TTC17: variants seen among roughly 807,000 people sequenced by gnomAD.
TTC17 encodes the protein tetratricopeptide repeat protein 17.
Under a neutral mutation model 143.8 loss-of-function variants are expected in TTC17, and 58 were observed. That is an observed-to-expected ratio of 0.40 (90% CI 0.33 to 0.50). The LOEUF (loss-of-function observed/expected upper bound fraction) is 0.50, where lower values mean the gene tolerates loss of function less well. TTC17 is among the 20% of genes least tolerant of loss of function. The pLI, the probability that TTC17 is intolerant of heterozygous loss-of-function variation, is 0.49. For synonymous variants in TTC17, 501 were observed against 497.8 expected, an observed-to-expected ratio of 1.01 and a Z score of -0.09; for missense variants, 1,273 against 1,392.5, an observed-to-expected ratio of 0.91 and a Z score of 1.37.
intron 1 of TTC17, among the ~76,000 whole-genome samples, chr11:43,363,249 G>T (rs977669435): frequency 6.6e-6 from 1 of 152,098 alleles, no homozygotes; most frequent in African/African-American, 2.4e-5. Context: ...CCCTAGTTTG[G>T]CAATATCTAC....
intron 18 of TTC17, chr11:43,446,471 T>G (rs533220242): frequency 6.7e-4 from 220 of 328,420 alleles, no homozygotes; most frequent in Admixed American, 1.7e-3. Flanking sequence ...TCTTTTATGG[T>G]TCTCAGCCCC....
At chr11:43,360,371 A>ATG (rs1185399991) in intron 1 of TTC17, among the ~76,000 whole-genome samples, 1 of 152,192 alleles carries the variant, frequency 6.6e-6, no homozygotes, top group Non-Finnish European at 1.5e-5. Context: ...CTTTAAATAT[A>ATG]TGTGTATGTG....
chr11:43,406,073 A>G, intron 13 of TTC17, 122 bp downstream of exon 13: 3 of 1,201,906 alleles, frequency 2.5e-6, no homozygotes, highest in Non-Finnish European at 3.4e-6. Flanking sequence ...AAATGGAAGG[A>G]TAGAGTTAAA....
intron 21 of TTC17, chr11:43,468,173 G>A (rs1313495034): frequency 2.6e-5 from 4 of 152,216 alleles, no homozygotes; most frequent in Non-Finnish European, 2.9e-5. Context: ...AATGGAACCA[G>A]AAGACAACAA....
At chr11:43,409,023 A>G (rs1480623759) in intron 15 of TTC17, among the ~76,000 whole-genome samples, 1 of 152,116 alleles carries the variant, frequency 6.6e-6, no homozygotes, top group African/African-American at 2.4e-5. Flanking sequence ...GATTACAGGC[A>G]TGCACCACCA....
intron 21 of TTC17, chr11:43,468,363 A>G (rs1948021816): frequency 6.6e-6 from 1 of 152,260 alleles, no homozygotes; most frequent in African/African-American, 2.4e-5. Flanking sequence ...TAGATGGTCA[A>G]ATGATTTTCT....
intron 13 of TTC17, among the ~76,000 whole-genome samples, chr11:43,406,172 A>G (rs1423840245): frequency 1.3e-5 from 2 of 152,150 alleles, no homozygotes; most frequent in East Asian, 1.9e-4. Flanking sequence ...TCACCTAAAC[A>G]CTATTCCTCT....
Position 43,493,930 on chromosome 11 carries a change from T to C in TTC17, c.*26T>C. 1 of 1,547,608 alleles carries C rather than the reference T, an allele frequency of 6.5e-7. No individual in the cohort carries two copies. On this transcript the variant is annotated 3_prime_UTR_variant, in exon 24 of 24. Transcript: ENST00000039989. ...TGCACTTCTTCCTTCTCTCTTTCTCTTTACTCATGCTCTAAAAAAAAAGAA... is the reference window on the plus strand; with the variant it reads ...TGCACTTCTTCCTTCTCTCTTTCTCCTTACTCATGCTCTAAAAAAAAAGAA...
At chr11:43,365,443 A>G (rs1856296135) in intron 1 of TTC17, among the ~76,000 whole-genome samples, 1 of 151,474 alleles carries the variant, frequency 6.6e-6, no homozygotes, top group African/African-American at 2.4e-5. Flanking sequence ...TAATTTTTGT[A>G]TTTTTTGTAG....
Position 43,403,862 on chromosome 11 carries a change from A to G in TTC17, c.1333-136A>G, listed in dbSNP as rs16937487. 1,714 of 671,670 alleles carry G rather than the reference A, an allele frequency of 2.6e-3. 60 individuals carry two copies. The East Asian group carries it at 0.045, about 18-fold the overall frequency. The allele number at this position is 671,670 out of a possible 1,614,324, so 41.6% of individuals were successfully genotyped here. A position where few individuals can be genotyped will look rare whatever the true frequency, so the allele number is the denominator to read the frequency against. On this transcript the variant is annotated intron_variant, in intron 10 of 23. Transcript: ENST00000039989. ...TGGGGCATAGTTCTTAAAAGATCCA[A>G]TTGCTTTATTACTGAGCTACTTTCT...
chr11:43,427,434 G>A (rs942666541), intron 16 of TTC17, among the ~76,000 whole-genome samples: 10 of 152,158 alleles, frequency 6.6e-5, no homozygotes, highest in Non-Finnish European at 1.0e-4. Context: ...TGCAGAATCC[G>A]TGGAAATTGT....
intron 18 of TTC17, among the ~76,000 whole-genome samples, chr11:43,447,165 A>G (rs1170585395): frequency 1.3e-5 from 2 of 152,236 alleles, no homozygotes; most frequent in Non-Finnish European, 2.9e-5. Context: ...AGCCTGGGCA[A>G]GAAAGCAAGG....
intron 5 of TTC17, among the ~76,000 whole-genome samples, chr11:43,394,437 G>C (rs911954731): frequency 6.6e-6 from 1 of 152,244 alleles, no homozygotes. Flanking sequence ...TGTTGCAGTA[G>C]TTCAAGAGAG....
rs1193195543 is a variant in TTC17, at chr11:43,490,298, A to G, written c.3090A>G (p.Gln1030=). ...MAALYWRVKG[Q]GKKAIDCLRQ... ...CCCTCTACTGGAGGGTGAAAGGCCAAGGAAAGAAGGCAATCGACTGCCTCC... is the reference window on the plus strand; with the variant it reads ...CCCTCTACTGGAGGGTGAAAGGCCAGGGAAAGAAGGCAATCGACTGCCTCC... The change falls in exon 22 of 24, where the codon CAA becomes CAG. Residue 1030 remains glutamine, a synonymous_variant. Transcript: ENST00000039989. The G allele has an allele frequency of 6.2e-7, 1 of 1,612,832 alleles. No homozygotes were observed. The highest frequency in any genetic ancestry group is 8.5e-7 in the Non-Finnish European group (1 of 1,179,334).
chr11:43,478,585 G>T (rs558720652), intron 21 of TTC17, among the ~76,000 whole-genome samples: 2 of 152,116 alleles, frequency 1.3e-5, no homozygotes, highest in South Asian at 4.2e-4. Context: ...GCACATGAGG[G>T]TTCATTATAT....
intron 23 of TTC17, among the ~76,000 whole-genome samples, chr11:43,493,302 C>G (rs1345850966): frequency 6.6e-6 from 1 of 152,142 alleles, no homozygotes; most frequent in Admixed American, 6.5e-5. Flanking sequence ...AGTTGAGATA[C>G]CGGACTTAGT....
At chr11:43,393,966 C>T (rs1479214823) in intron 5 of TTC17, among the ~76,000 whole-genome samples, 1 of 152,304 alleles carries the variant, frequency 6.6e-6, no homozygotes, top group Admixed American at 6.5e-5. Flanking sequence ...CCTCACATGG[C>T]CTCATCTGTG....
intron 21 of TTC17, among the ~76,000 whole-genome samples, chr11:43,459,546 CA>C (rs1947825699): frequency 3.3e-5 from 5 of 152,210 alleles, no homozygotes; most frequent in Admixed American, 3.3e-4. Context: ...GCCACACCCA[CA>C]AATTTCTTCA....
chr11:43,428,303 AT>A (rs1359024390), intron 16 of TTC17, among the ~76,000 whole-genome samples: 2 of 146,524 alleles, frequency 1.4e-5, no homozygotes, highest in African/African-American at 5.6e-5. Flanking sequence ...AGAGATTTAA[AT>A]TAAAAAAAAA....
Sources: gnomAD v4.1 joint callset for allele counts (sites outside exome capture counted in the v4.1 genomes callset) on GRCh38, gnomAD v4.1.1 for gene constraint, MANE v1.5 for transcripts, NCBI Gene and HGNC (gene_info 2026-07-23, HGNC 2026-07-21) for gene names.